Variants in CCDC148 observed in about 807,000 individuals in gnomAD.
CCDC148 encodes coiled-coil domain-containing protein 148.
CCDC148 carries 89 observed loss-of-function variants against 85.7 expected under a neutral mutation model. The observed-to-expected ratio is 1.04, with a 90% CI of 0.87 to 1.24. The LOEUF (loss-of-function observed/expected upper bound fraction) is 1.24, where lower values mean the gene tolerates loss of function less well. Ranked by LOEUF, CCDC148 falls within the 50% of genes most tolerant of loss-of-function variation. The pLI, the probability that CCDC148 is intolerant of heterozygous loss-of-function variation, is 0.00. For missense variants in CCDC148, 692 were observed against 671.7 expected, an observed-to-expected ratio of 1.03 and a Z score of -0.33; for synonymous variants, 230 against 213.9, an observed-to-expected ratio of 1.08 and a Z score of -0.66.
chr2:158,440,095 C>G (rs1180257551), intron 1 of CCDC148, among the ~76,000 whole-genome samples: 1 of 151,864 alleles, frequency 6.6e-6, no homozygotes. Context: ...TCTTGAACAT[C>G]TGGGCTCAAG....
intron 1 of CCDC148, among the ~76,000 whole-genome samples, chr2:158,409,635 A>G (rs925686000): frequency 2.0e-5 from 3 of 152,218 alleles, no homozygotes; most frequent in Admixed American, 2.0e-4. Flanking sequence ...CTTGTCTCAG[A>G]TAAGACTTTG....
intron 10 of CCDC148, among the ~76,000 whole-genome samples, chr2:158,243,954 C>A (rs1688457181): frequency 6.6e-6 from 1 of 151,704 alleles, no homozygotes; most frequent in Admixed American, 6.6e-5. Context: ...ATTTGTTTTC[C>A]ATCTAACTGC....
At chr2:158,216,254 A>C (rs927405968) in intron 11 of CCDC148, among the ~76,000 whole-genome samples, 1 of 152,064 alleles carries the variant, frequency 6.6e-6, no homozygotes, top group Admixed American at 6.6e-5. Flanking sequence ...TTTTGCTTTA[A>C]CTTTAATTTT....
chr2:158,284,877 G>C (rs2105180646), intron 9 of CCDC148, among the ~76,000 whole-genome samples: 1 of 152,254 alleles, frequency 6.6e-6, no homozygotes, highest in Admixed American at 6.5e-5. Context: ...TGTGTTCATG[G>C]AGATGAAAGC....
At chr2:158,248,385 T>G (rs1366756930) in intron 10 of CCDC148, among the ~76,000 whole-genome samples, 1 of 152,122 alleles carries the variant, frequency 6.6e-6, no homozygotes, top group East Asian at 1.9e-4. Flanking sequence ...TGTACTAATG[T>G]CTATATCATA....
chr2:158,178,486 T>C (rs1225996842), intron 12 of CCDC148, among the ~76,000 whole-genome samples: 1 of 152,182 alleles, frequency 6.6e-6, no homozygotes, highest in African/African-American at 2.4e-5. Flanking sequence ...TGTGGGATGT[T>C]TCCAAAGGGA....
rs1411617981 is a variant in CCDC148 at position 158,309,550 on chromosome 2, G to C, written c.993C>G (p.Asp331Glu). ...LISNWNKNKK[D>E]FIQKAVLTLT... The stretch of plus-strand genomic sequence containing the variant: ...GTGTCAGCACAGCCTTCTGTATAAA[G>C]TCTTTCTTATTTTTATTCCAATTTG... Residue 331 changes from aspartate to glutamate, a missense_variant, in exon 9 of 14, where the codon GAC (aspartate) becomes GAG (glutamate). Transcript: ENST00000283233. The C allele has an allele frequency of 1.2e-6, 2 of 1,613,540 alleles. No individual in the cohort carries two copies.
intron 9 of CCDC148, among the ~76,000 whole-genome samples, chr2:158,279,131 A>G (rs1690124636): frequency 6.6e-6 from 1 of 152,220 alleles, no homozygotes; most frequent in Non-Finnish European, 1.5e-5. Flanking sequence ...CCATCTGTAC[A>G]TCACCATCAT....
chr2:158,228,100 C>T (rs1574447594), intron 10 of CCDC148, among the ~76,000 whole-genome samples: 12 of 151,992 alleles, frequency 7.9e-5, no homozygotes, highest in Admixed American at 7.9e-4. Context: ...TGAACTCCAA[C>T]AAATTTACAA....
intron 2 of CCDC148, among the ~76,000 whole-genome samples, chr2:158,351,359 C>T (rs1433153969): frequency 6.6e-6 from 1 of 152,144 alleles, no homozygotes; most frequent in Non-Finnish European, 1.5e-5. Flanking sequence ...AGACAGTGGG[C>T]GCAGGTCAGT....
chr2:158,233,139 A>G (rs537352235), intron 10 of CCDC148, among the ~76,000 whole-genome samples: 13 of 152,270 alleles, frequency 8.5e-5, no homozygotes, highest in African/African-American at 3.1e-4. Context: ...AGAAATTTGT[A>G]CAATCACTAT....
At chr2:158,369,864 A>G (rs1684364020) in intron 1 of CCDC148, among the ~76,000 whole-genome samples, 1 of 152,114 alleles carries the variant, frequency 6.6e-6, no homozygotes, top group Non-Finnish European at 1.5e-5. Flanking sequence ...TCGTTTGTTA[A>G]GAGTTTTTAA....
In CCDC148 at chr2:158,341,308, TA is replaced by T. The variant is rs1443648003; in HGVS notation, c.252-629del. Among the ~76,000 whole-genome samples, 11 of 82,980 alleles carry T rather than the reference TA, an allele frequency of 1.3e-4. No individual in the cohort carries two copies. In the East Asian group the frequency reaches 1.5e-3, roughly 11 times the overall value. 54.4% of individuals were successfully genotyped at this position (82,980 alleles called of 152,430 possible). ...ATATGTATACATATGTGTACATACA[TA>T]TTTTTTTTTTTTTTTTGGACTGAGT... is the stretch of plus-strand genomic sequence containing the variant. On this transcript the variant is annotated intron_variant, in intron 3 of 13. Transcript: ENST00000283233.
At position 158,337,361 on chromosome 2, in the gene CCDC148, C is replaced by T. The variant is rs75200116; in HGVS notation, c.764+1365G>A. Among the ~76,000 whole-genome samples, 353 of 152,206 alleles carry T rather than the reference C, an allele frequency of 2.3e-3. 12 individuals carry two copies. In the East Asian group the frequency reaches 0.057, roughly 25 times the overall value. On this transcript the variant is annotated intron_variant, in intron 7 of 13. Transcript: ENST00000283233. ...AGTTTATCAGGCTGATTATAATGCC[C>T]TCTCCCCTACCAAACAAAAAATCCT...
intron 9 of CCDC148, among the ~76,000 whole-genome samples, chr2:158,259,049 C>T (rs1208097961): frequency 6.6e-6 from 1 of 151,798 alleles, no homozygotes; most frequent in Non-Finnish European, 1.5e-5. Context: ...CCTGAACAGG[C>T]CACATGCCTT....
intron 1 of CCDC148, among the ~76,000 whole-genome samples, chr2:158,411,547 T>C (rs573169663): frequency 6.6e-6 from 1 of 152,282 alleles, no homozygotes; most frequent in African/African-American, 2.4e-5. Flanking sequence ...TTGTTATTTC[T>C]ATTCCTTTGT....
intron 11 of CCDC148, among the ~76,000 whole-genome samples, chr2:158,213,885 G>A (rs1294149197): frequency 6.6e-6 from 1 of 152,034 alleles, no homozygotes; most frequent in Non-Finnish European, 1.5e-5. Flanking sequence ...CACCAGTATT[G>A]GTCCCAACAA....
At chr2:158,211,217 T>C (rs147191603) in intron 11 of CCDC148, among the ~76,000 whole-genome samples, 116 of 152,044 alleles carry the variant, frequency 7.6e-4, no homozygotes, top group African/African-American at 2.6e-3. Flanking sequence ...AACCTAATGC[T>C]CCAACAAAAA....
intron 11 of CCDC148, among the ~76,000 whole-genome samples, chr2:158,218,375 C>T (rs757292691): frequency 2.6e-5 from 4 of 152,186 alleles, no homozygotes; most frequent in African/African-American, 7.2e-5. Flanking sequence ...CCTGGCTCCT[C>T]GTCTTTAGTA....
Sources: gnomAD v4.1 joint callset for allele counts (sites outside exome capture counted in the v4.1 genomes callset) on GRCh38, gnomAD v4.1.1 for gene constraint, MANE v1.5 for transcripts, NCBI Gene and HGNC (gene_info 2026-07-23, HGNC 2026-07-21) for gene names.